ACER3: variants seen among roughly 807,000 people sequenced by gnomAD.
ACER3 encodes alkaline ceramidase 3.
A neutral mutation model predicts 48.9 loss-of-function variants in ACER3; 16 were observed. The observed-to-expected ratio is 0.33, with a 90% CI of 0.22 to 0.50. ACER3 has a LOEUF of 0.50. Ranked by LOEUF, ACER3 falls within the 20% of genes least tolerant of loss-of-function variation. The probability of loss-of-function intolerance (pLI) is 0.98; values close to 1 mark genes in which losing one functional copy is unlikely to be tolerated. For missense variants in ACER3, 227 were observed against 326.0 expected (o/e 0.70, Z 2.34); for synonymous variants, 109 against 107.8 (o/e 1.01, Z -0.07).
chr11:76,932,577 G>T (rs1233616096), intron 2 of ACER3, among the ~76,000 whole-genome samples: 1 of 152,108 alleles, frequency 6.6e-6, no homozygotes, highest in Non-Finnish European at 1.5e-5. Flanking sequence ...AGAACAAAAA[G>T]ACCTGAGGGA....
At chr11:77,008,736 T>G (rs1202009034) in intron 7 of ACER3, among the ~76,000 whole-genome samples, 1 of 152,202 alleles carries the variant, frequency 6.6e-6, no homozygotes, top group African/African-American at 2.4e-5. Flanking sequence ...AAACATCCTT[T>G]AAATGCCCAG....
At chr11:77,005,199 G>T (rs1330475130) in intron 7 of ACER3, among the ~76,000 whole-genome samples, 1 of 152,000 alleles carries the variant, frequency 6.6e-6, no homozygotes, top group African/African-American at 2.4e-5. Flanking sequence ...ACCGCACCCG[G>T]CTAATTTTTT....
In ACER3 at chr11:77,024,849, T is replaced by C. The variant is rs1949528042; in HGVS notation, c.*4522T>C. 1 of 152,206 alleles carries C rather than the reference T, an allele frequency of 6.6e-6. No individual in the cohort carries two copies. The highest frequency in any genetic ancestry group is 1.5e-5 in the Non-Finnish European group (1 of 68,030). 9.4% of individuals were successfully genotyped at this position (152,206 alleles called of 1,614,324 possible). Reference sequence around the variant, plus strand: ...GTGTAGAAGACTGGTCACAAGAATTTTTTTTTAAATAGAAAACCCTAAAAT... The same window carrying C: ...GTGTAGAAGACTGGTCACAAGAATTCTTTTTTAAATAGAAAACCCTAAAAT... On this transcript the variant is annotated 3_prime_UTR_variant, in exon 11 of 11. Transcript: ENST00000532485.
At chr11:76,926,824 G>C (rs1946842899) in intron 2 of ACER3, among the ~76,000 whole-genome samples, 157 bp downstream of exon 2, 1 of 152,120 alleles carries the variant, frequency 6.6e-6, no homozygotes, top group Non-Finnish European at 1.5e-5. Flanking sequence ...CCAGTGAATT[G>C]AACTGCATTT....
intron 4 of ACER3, among the ~76,000 whole-genome samples, chr11:76,981,814 G>A (rs1948590458): frequency 6.6e-6 from 1 of 152,142 alleles, no homozygotes; most frequent in South Asian, 2.1e-4. Flanking sequence ...CCAGTTTGGG[G>A]CTACTATGAA....
At chr11:77,019,046 G>A (rs191280361) in intron 9 of ACER3, among the ~76,000 whole-genome samples, 15 of 152,324 alleles carry the variant, frequency 9.8e-5, no homozygotes, top group Middle Eastern at 3.4e-3. Context: ...AAGTCAATGC[G>A]TGGCTTCAAA....
intron 5 of ACER3, among the ~76,000 whole-genome samples, chr11:76,987,785 T>A (rs1948715097): frequency 6.6e-6 from 1 of 151,974 alleles, no homozygotes; most frequent in Admixed American, 6.6e-5. Context: ...AAACATTTTT[T>A]AAAAATTAGC....
chr11:76,976,425 A>G, intron 4 of ACER3, 84 bp downstream of exon 4: 2 of 715,280 alleles, frequency 2.8e-6, no homozygotes, highest in South Asian at 1.8e-5. Context: ...TGATACATTT[A>G]TATTACTAGG....
chr11:76,907,974 G>A (rs138266900), intron 1 of ACER3, among the ~76,000 whole-genome samples: 3 of 152,250 alleles, frequency 2.0e-5, no homozygotes, highest in Non-Finnish European at 2.9e-5. Flanking sequence ...AGTGGCTGAC[G>A]CCTGTAATCC....
intron 9 of ACER3, among the ~76,000 whole-genome samples, chr11:77,017,894 T>TTTA (rs1293823196): frequency 1.3e-5 from 2 of 151,266 alleles, no homozygotes; most frequent in East Asian, 1.9e-4. Flanking sequence ...TATTTCAAAC[T>TTTA]TTATTATTAT....
chr11:76,904,428 C>T (rs188950934), intron 1 of ACER3, among the ~76,000 whole-genome samples: 415 of 152,222 alleles, frequency 2.7e-3, no homozygotes, highest in Non-Finnish European at 4.2e-3. Flanking sequence ...CTGCCACCCC[C>T]CATAAAGATG....
intron 1 of ACER3, among the ~76,000 whole-genome samples, chr11:76,900,036 A>G (rs1946040506): frequency 6.6e-6 from 1 of 152,232 alleles, no homozygotes; most frequent in Non-Finnish European, 1.5e-5. Flanking sequence ...AAGTGTTATT[A>G]AGAAAATCAG....
chr11:76,970,828 C>T (rs1948279061), intron 3 of ACER3, among the ~76,000 whole-genome samples: 2 of 152,052 alleles, frequency 1.3e-5, no homozygotes, highest in Non-Finnish European at 2.9e-5. Context: ...TATCTAATCC[C>T]ACAACATTTC....
intron 2 of ACER3, among the ~76,000 whole-genome samples, chr11:76,944,813 C>A (rs1029747718): frequency 3.9e-5 from 6 of 152,166 alleles, no homozygotes; most frequent in East Asian, 3.9e-4. Flanking sequence ...ACTTTTTGAT[C>A]TCTCTTCCCC....
chr11:76,979,840 T>TAA (rs11373313), intron 4 of ACER3, among the ~76,000 whole-genome samples: 59,897 of 149,902 alleles, frequency 0.4, 14,473 homozygotes, highest in Non-Finnish European at 0.56. Context: ...AACATTTTAT[T>TAA]AAAAAAAAAA....
At chr11:76,995,027 C>T (rs1326461637) in intron 6 of ACER3, among the ~76,000 whole-genome samples, 1 of 152,102 alleles carries the variant, frequency 6.6e-6, no homozygotes. Flanking sequence ...TGCCCTAGTC[C>T]ACTGAGAAAG....
At chr11:76,994,137 T>A (rs1293564263) in intron 6 of ACER3, 4 of 20,038 alleles carry the variant, frequency 2.0e-4, no homozygotes, top group Non-Finnish European at 6.5e-4. Context: ...TTAAACTTTC[T>A]TTTTTTTTTT....
intron 1 of ACER3, among the ~76,000 whole-genome samples, chr11:76,875,670 T>G (rs1403251573): frequency 1.3e-5 from 2 of 151,818 alleles, no homozygotes; most frequent in Admixed American, 6.6e-5. Flanking sequence ...TAAAGTTTAA[T>G]TCCTTGTTTT....
At chr11:76,887,309 T>C (rs1264374155) in intron 1 of ACER3, among the ~76,000 whole-genome samples, 1 of 152,106 alleles carries the variant, frequency 6.6e-6, no homozygotes, top group Admixed American at 6.5e-5. Flanking sequence ...CTAGAAAATA[T>C]TTTCAGTCAG....
Sources: allele counts gnomAD v4.1 joint callset (sites outside exome capture counted in the v4.1 genomes callset), GRCh38; gene constraint gnomAD v4.1.1; transcripts MANE v1.5; gene names NCBI Gene and HGNC (gene_info 2026-07-23, HGNC 2026-07-21).